Variants in DPP10 observed in about 807,000 individuals in gnomAD.
The protein encoded by DPP10 is dipeptidyl peptidase like 10, also known as inactive dipeptidyl peptidase 10.
DPP10 carries 33 observed loss-of-function variants against 120.9 expected under a neutral mutation model. The observed-to-expected ratio is 0.27, with a 90% CI of 0.21 to 0.37. The LOEUF is 0.37. Among genes scored for constraint, DPP10 ranks in the 10% least tolerant of loss-of-function variants. The probability of loss-of-function intolerance (pLI) is 1.00; values close to 1 mark genes in which losing one functional copy is unlikely to be tolerated. For missense variants in DPP10, 816 were observed against 942.8 expected (o/e 0.87, Z 1.76); for synonymous variants, 337 against 326.1 (o/e 1.03, Z -0.36).
intron 1 of DPP10, among the ~76,000 whole-genome samples, chr2:115,146,920 C>A (rs995411339): frequency 1.3e-5 from 2 of 152,088 alleles, no homozygotes; most frequent in African/African-American, 4.8e-5. Context: ...GACTTCACAG[C>A]CTGTAGAACT....
chr2:115,407,397 AT>A (rs1478611106), intron 3 of DPP10, among the ~76,000 whole-genome samples: 3 of 152,136 alleles, frequency 2.0e-5, no homozygotes, highest in Non-Finnish European at 4.4e-5. Context: ...ACGAAGACCA[AT>A]CTTAACTGCT....
intron 5 of DPP10, among the ~76,000 whole-genome samples, chr2:115,657,575 C>CT (rs1386023743): frequency 6.6e-6 from 1 of 151,618 alleles, no homozygotes; most frequent in Non-Finnish European, 1.5e-5. Flanking sequence ...CTGTTATGAT[C>CT]TTCTTCTAAT....
intron 7 of DPP10, among the ~76,000 whole-genome samples, chr2:115,703,560 A>G (rs904816858): frequency 4.6e-5 from 7 of 151,998 alleles, no homozygotes; most frequent in African/African-American, 1.4e-4. Flanking sequence ...GGCAGTTGGG[A>G]AAGTTAGGCA....
chr2:114,618,799 T>A (rs1486283084), intron 1 of DPP10, among the ~76,000 whole-genome samples: 1 of 152,006 alleles, frequency 6.6e-6, no homozygotes, highest in Non-Finnish European at 1.5e-5. Flanking sequence ...TATAAAATAA[T>A]GTAAAATATT....
intron 1 of DPP10, chr2:115,064,587 T>C: frequency 8.5e-7 from 1 of 1,182,812 alleles, no homozygotes; most frequent in Non-Finnish European, 1.1e-6. Flanking sequence ...ATATTTCGGT[T>C]GGACATAGGT....
chr2:114,657,153 A>G (rs557435961), intron 1 of DPP10, among the ~76,000 whole-genome samples: 29 of 152,250 alleles, frequency 1.9e-4, no homozygotes, highest in African/African-American at 7.0e-4. Context: ...AACCAGGCCT[A>G]TATCTTTTAA....
intron 2 of DPP10, among the ~76,000 whole-genome samples, chr2:115,313,702 C>T (rs762585238): frequency 9.2e-5 from 14 of 152,198 alleles, no homozygotes; most frequent in Non-Finnish European, 1.9e-4. Flanking sequence ...TAGTTTGACA[C>T]ATGTGCCTTA....
chr2:114,876,194 T>C (rs1691143160), intron 1 of DPP10, among the ~76,000 whole-genome samples: 1 of 152,126 alleles, frequency 6.6e-6, no homozygotes, highest in Non-Finnish European at 1.5e-5. Context: ...ATAACGATCC[T>C]CTAAGATATT....
intron 1 of DPP10, among the ~76,000 whole-genome samples, chr2:115,278,573 C>T (rs1300273707): frequency 6.6e-6 from 1 of 152,024 alleles, no homozygotes; most frequent in Non-Finnish European, 1.5e-5. Flanking sequence ...GTGAGGGCCT[C>T]AGGCTGCTTC....
intron 1 of DPP10, among the ~76,000 whole-genome samples, chr2:114,931,415 A>G (rs552166950): frequency 1.3e-5 from 2 of 152,348 alleles, no homozygotes; most frequent in South Asian, 2.1e-4. Context: ...AGTAAGATGC[A>G]GTGAGGCCAT....
At chr2:114,947,518 C>T (rs775676150) in intron 1 of DPP10, among the ~76,000 whole-genome samples, 33 of 151,668 alleles carry the variant, frequency 2.2e-4, no homozygotes, top group Non-Finnish European at 4.1e-4. Flanking sequence ...AAATAAGTTC[C>T]GTCATATTGG....
rs1170207128 is a variant in DPP10, at chr2:115,343,925, C to T, written c.271+13C>T. The T allele has an allele frequency of 1.3e-6, 2 of 1,572,526 alleles. No individual in the cohort carries two copies. Among genetic ancestry groups the T allele is most frequent in the South Asian group, 2.4e-5 (2 of 84,340 alleles). ...CGGTGGATCAATGGTAAGTGTATAC[C>T]TTTTTAAACATTGTATTCATTTTGA... On this transcript the variant is annotated intron_variant, in intron 3 of 25. Coordinates refer to ENST00000410059, the MANE Select transcript of DPP10 (RefSeq NM_020868.6).
chr2:114,461,127 T>G (rs1183015938), intron 1 of DPP10, among the ~76,000 whole-genome samples: 15 of 152,214 alleles, frequency 9.9e-5, no homozygotes, highest in Admixed American at 3.9e-4. Context: ...TGCCAGATTG[T>G]AACATAAAGA....
intron 1 of DPP10, among the ~76,000 whole-genome samples, chr2:114,973,424 G>C (rs1292463833): frequency 6.6e-6 from 1 of 151,826 alleles, no homozygotes; most frequent in African/African-American, 2.4e-5. Context: ...CACTTTGGGA[G>C]GACGAGGCGG....
intron 1 of DPP10, among the ~76,000 whole-genome samples, chr2:114,633,248 C>CT (rs35372708): frequency 0.018 from 1,344 of 72,812 alleles, 60 homozygotes; most frequent in Non-Finnish European, 0.024. Flanking sequence ...GTTTTTCTTT[C>CT]TTTTTTTTTT....
intron 12 of DPP10, among the ~76,000 whole-genome samples, chr2:115,764,226 G>A (rs1168331880): frequency 1.3e-5 from 2 of 151,764 alleles, no homozygotes; most frequent in African/African-American, 4.8e-5. Flanking sequence ...AATTCAATAT[G>A]TAAGAAGAGC....
intron 1 of DPP10, among the ~76,000 whole-genome samples, chr2:115,140,643 T>C (rs900378118): frequency 6.6e-5 from 10 of 152,138 alleles, no homozygotes; most frequent in Admixed American, 4.6e-4. Context: ...TTGGACCACA[T>C]TGCTAACAAC....
chr2:115,518,224 G>C (rs1459829779), intron 4 of DPP10, among the ~76,000 whole-genome samples: 1 of 152,166 alleles, frequency 6.6e-6, no homozygotes, highest in Non-Finnish European at 1.5e-5. Context: ...TATGAGGTTT[G>C]AAGGAGTCAA....
At chr2:115,123,644 G>A (rs926167676) in intron 1 of DPP10, among the ~76,000 whole-genome samples, 3 of 152,196 alleles carry the variant, frequency 2.0e-5, no homozygotes, top group Admixed American at 1.3e-4. Flanking sequence ...CTAGGAGACC[G>A]TCTTTTCCTG....
Sources: gnomAD v4.1 joint callset for allele counts (sites outside exome capture counted in the v4.1 genomes callset) on GRCh38, gnomAD v4.1.1 for gene constraint, MANE v1.5 for transcripts, NCBI Gene and HGNC (gene_info 2026-07-23, HGNC 2026-07-21) for gene names.